Variants in CDH9 observed in about 807,000 individuals in gnomAD.
CDH9 encodes cadherin-9.
In CDH9, 28 loss-of-function variants were observed where a neutral mutation model predicts 70.9. The observed-to-expected ratio is 0.40, with a 90% CI of 0.29 to 0.54. CDH9 has a LOEUF of 0.54. Ranked by LOEUF, CDH9 falls within the 20% of genes least tolerant of loss-of-function variation. The pLI is 0.59. For synonymous variants in CDH9, 409 were observed against 343.1 expected (o/e 1.19, Z -2.12); for missense variants, 874 against 984.4 (o/e 0.89, Z 1.50).
At chr5:26,888,527 T>C (rs1288145692) in intron 9 of CDH9, among the ~76,000 whole-genome samples, 1 of 152,150 alleles carries the variant, frequency 6.6e-6, no homozygotes, top group Admixed American at 6.6e-5. Flanking sequence ...GCCCATTATA[T>C]GTTGCAAAAT....
chr5:26,881,512 C>A lies in CDH9; in HGVS notation c.1994G>T (p.Gly665Val). 6.2e-7 allele frequency: 1 copy of A among 1,613,746 alleles called. No individual in the cohort carries two copies. The highest frequency in any genetic ancestry group is 8.5e-7 in the Non-Finnish European group (1 of 1,179,806). The change falls in exon 12 of 12, where the codon GGG (glycine) becomes GTG (valine). Residue 665 changes from glycine (G) to valine (V), a missense_variant. Gly to Val is a moderately radical substitution (Grantham distance 109). Transcript: ENST00000231021. ...NIVTYNDEGG[G>V]EEDTQAFDIG... ...GTCAAAAGCTTGGGTATCTTCTTCC[C>A]CGCCGCCTTCATCGTTGTAGGTCAC...
Position 26,906,014 on chromosome 5 carries a change from G to A in CDH9, c.756C>T (p.Thr252=). 6.2e-7 allele frequency: 1 copy of A among 1,613,546 alleles called. No individual in the cohort carries two copies. Among genetic ancestry groups the A allele is most frequent in the Non-Finnish European group, 8.5e-7 (1 of 1,179,494 alleles). ...GGQMGGLSGT[T]TVNITLTDVN... Reference sequence around the variant, plus strand: ...CATCTGTCAGCGTGATGTTCACTGTGGTGGTTCCAGAAAGGCCTCCCATCT... The same window carrying A: ...CATCTGTCAGCGTGATGTTCACTGTAGTGGTTCCAGAAAGGCCTCCCATCT... The change falls in exon 5 of 12, where the codon ACC becomes ACT. Residue 252 remains threonine, a synonymous_variant. Transcript: ENST00000231021.
chr5:26,915,942 A>G lies in CDH9; in HGVS notation c.229-18T>C, dbSNP rs757529370. The G allele has an allele frequency of 1.3e-6, 2 of 1,544,980 alleles. No individual in the cohort carries two copies. Among genetic ancestry groups the G allele is most frequent in the South Asian group, 2.4e-5 (2 of 84,978 alleles). On this transcript the variant is annotated intron_variant, in intron 2 of 11. Transcript: ENST00000231021. Reference sequence around the variant, plus strand: ...GTGTGAAGCTTTAGAGAGGTAGAAAAGAAGAGTTCTGTAAATATATACATT... The same window carrying G: ...GTGTGAAGCTTTAGAGAGGTAGAAAGGAAGAGTTCTGTAAATATATACATT...
chr5:27,000,833 A>G (rs1742754533), intron 1 of CDH9, among the ~76,000 whole-genome samples: 1 of 152,180 alleles, frequency 6.6e-6, no homozygotes, highest in Non-Finnish European at 1.5e-5. Context: ...TTTAAATTCA[A>G]AAATGCTAAG....
At chr5:26,977,483 G>GTATA (rs1487464701) in intron 2 of CDH9, among the ~76,000 whole-genome samples, 24 of 141,462 alleles carry the variant, frequency 1.7e-4, no homozygotes, top group Non-Finnish European at 3.0e-4. Context: ...GTGTGTGTGT[G>GTATA]TGTATATATA....
chr5:27,031,422 T>C (rs1024923760), intron 1 of CDH9, among the ~76,000 whole-genome samples: 4 of 151,930 alleles, frequency 2.6e-5, no homozygotes, highest in Non-Finnish European at 5.9e-5. Context: ...TCACACTCTA[T>C]ATAGGCCTTT....
At chr5:27,000,219 G>A (rs555407829) in intron 1 of CDH9, among the ~76,000 whole-genome samples, 43 of 152,090 alleles carry the variant, frequency 2.8e-4, no homozygotes, top group Non-Finnish European at 5.6e-4. Context: ...GTTCTGCAAA[G>A]ATATCTAACC....
intron 2 of CDH9, among the ~76,000 whole-genome samples, chr5:26,930,779 G>GA (rs1344699706): frequency 6.6e-6 from 1 of 151,826 alleles, no homozygotes; most frequent in African/African-American, 2.4e-5. Context: ...TTTTAATTAG[G>GA]AAAACCATAG....
intron 1 of CDH9, among the ~76,000 whole-genome samples, chr5:27,015,519 T>C (rs1240094366): frequency 1.3e-5 from 2 of 151,792 alleles, no homozygotes; most frequent in Non-Finnish European, 2.9e-5. Context: ...TTAAGCAGCA[T>C]CATTAGTCAT....
chr5:27,027,038 A>C (rs1343920366), intron 1 of CDH9, among the ~76,000 whole-genome samples: 1 of 151,966 alleles, frequency 6.6e-6, no homozygotes, highest in African/African-American at 2.4e-5. Context: ...AAACTCAAAT[A>C]CTTGGCATTA....
intron 2 of CDH9, among the ~76,000 whole-genome samples, chr5:26,930,400 C>A (rs894742740): frequency 2.6e-5 from 4 of 152,048 alleles, no homozygotes; most frequent in African/African-American, 9.7e-5. Flanking sequence ...CAAGCATACT[C>A]TAGTCATGCA....
At chr5:26,900,682 T>C (rs1037109869) in intron 7 of CDH9, among the ~76,000 whole-genome samples, 1 of 152,096 alleles carries the variant, frequency 6.6e-6, no homozygotes, top group Admixed American at 6.6e-5. Context: ...TCCAGTAATG[T>C]GTGATTGCAC....
At chr5:26,999,377 T>C (rs1742724931) in intron 1 of CDH9, among the ~76,000 whole-genome samples, 1 of 152,232 alleles carries the variant, frequency 6.6e-6, no homozygotes, top group Non-Finnish European at 1.5e-5. Context: ...AAGCAGATAC[T>C]CTTATTCAAT....
chr5:26,924,342 C>T (rs770330742), intron 2 of CDH9, among the ~76,000 whole-genome samples: 10 of 151,286 alleles, frequency 6.6e-5, no homozygotes, highest in Non-Finnish European at 1.2e-4. Flanking sequence ...CAAGATTGGA[C>T]CATGAAGAAA....
Position 26,890,532 on chromosome 5 carries a change from C to T in CDH9, c.1286G>A (p.Arg429His), listed in dbSNP as rs780978039. The stretch of plus-strand genomic sequence containing the variant: ...ATTTTCTGAGTGAATACCAAAAATA[C>T]GGTCCATATCAGTATGCCGATCAAC... ...YSVDRHTDMD[R>H]IFGIHSENGS... Residue 429 changes from arginine (R) to histidine (H), a missense_variant, in exon 8 of 12, where the codon CGT (arginine) becomes CAT (histidine). Arg to His is a conservative substitution (Grantham distance 29). Coordinates refer to ENST00000231021, the MANE Select transcript of CDH9 (RefSeq NM_016279.4). 44 of 1,604,734 alleles carry T rather than the reference C, an allele frequency of 2.7e-5. No individual in the cohort carries two copies. The highest frequency in any genetic ancestry group is 3.3e-5 in the Non-Finnish European group (39 of 1,171,704).
intron 11 of CDH9, 78 bp from the exon 12 acceptor site, chr5:26,881,701 G>T (rs80242977): frequency 0.063 from 81,638 of 1,301,020 alleles, 2,956 homozygotes; most frequent in Non-Finnish European, 0.072. Flanking sequence ...TGTGAAATTC[G>T]TTTGGTGCAG....
chr5:26,988,321 G>C lies in CDH9; in HGVS notation c.13C>G (p.His5Asp). The change falls in exon 2 of 12, where the codon CAT (histidine) becomes GAT (aspartate). Residue 5 changes from histidine to aspartate, a missense_variant. Transcript: ENST00000231021. ...GTCCAGATGAATAATGGTATATAAT[G>C]GTAAGTCCTCATTATCTGCAACTTC... is the stretch of plus-strand genomic sequence containing the variant. MRTY[H>D]YIPLFIWTYM... 1 of 1,611,050 alleles carries C rather than the reference G, an allele frequency of 6.2e-7. No individual in the cohort carries two copies. Among genetic ancestry groups the C allele is most frequent in the African/African-American group, 1.3e-5 (1 of 74,934 alleles).
chr5:26,930,841 T>C (rs1741449672), intron 2 of CDH9, among the ~76,000 whole-genome samples: 2 of 152,098 alleles, frequency 1.3e-5, no homozygotes, highest in Admixed American at 1.3e-4. Flanking sequence ...TTCCAAGACA[T>C]GTTTTAGAAT....
chr5:26,978,987 A>G (rs1017832617), intron 2 of CDH9, among the ~76,000 whole-genome samples: 3 of 151,792 alleles, frequency 2.0e-5, no homozygotes, highest in Non-Finnish European at 4.4e-5. Context: ...GACCCACACT[A>G]CAAGTAATGC....
Sources: allele counts gnomAD v4.1 joint callset (sites outside exome capture counted in the v4.1 genomes callset), GRCh38; gene constraint gnomAD v4.1.1; transcripts MANE v1.5; gene names NCBI Gene and HGNC (gene_info 2026-07-23, HGNC 2026-07-21).